The following ZSWIM5 variants were observed in gnomAD, a reference collection of about 807,000 sequenced individuals.
The protein encoded by ZSWIM5 is zinc finger SWIM-type containing 5.
A neutral mutation model predicts 119.6 loss-of-function variants in ZSWIM5; 55 were observed. The ratio of observed to expected loss-of-function variants is 0.46; its 90% CI spans 0.37 to 0.58. The LOEUF is 0.58. ZSWIM5 is among the 20% of genes least tolerant of loss of function. The pLI is 0.00. For synonymous variants in ZSWIM5, 537 were observed against 606.9 expected (o/e 0.88, Z 1.69); for missense variants, 1,193 against 1,512.8 (o/e 0.79, Z 3.51).
chr1:45,044,493 G>A (rs1645035993), intron 5 of ZSWIM5, among the ~76,000 whole-genome samples: 1 of 150,662 alleles, frequency 6.6e-6, no homozygotes, highest in Non-Finnish European at 1.5e-5. Flanking sequence ...GGAGGCTGAG[G>A]TGGGCGGATC....
intron 1 of ZSWIM5, among the ~76,000 whole-genome samples, chr1:45,172,086 A>G (rs545654885): frequency 2.1e-4 from 32 of 152,116 alleles, no homozygotes; most frequent in Non-Finnish European, 3.7e-4. Context: ...AAATCTAATA[A>G]TATTGTAAGA....
intron 2 of ZSWIM5, chr1:45,070,333 C>T (rs1283144470): frequency 1.4e-6 from 2 of 1,401,544 alleles, no homozygotes; most frequent in African/African-American, 1.4e-5. Flanking sequence ...AGAGCATACA[C>T]AGTCATGGCC....
At chr1:45,047,366 G>C (rs1645062333) in intron 5 of ZSWIM5, among the ~76,000 whole-genome samples, 1 of 152,156 alleles carries the variant, frequency 6.6e-6, no homozygotes, top group South Asian at 2.1e-4. Context: ...GCCTGACTTG[G>C]AGTGAATTCA....
intron 12 of ZSWIM5, 142 bp from the exon 13 acceptor site, chr1:45,020,289 T>G: frequency 1.4e-6 from 1 of 723,928 alleles, no homozygotes; most frequent in Admixed American, 2.4e-5. Context: ...TACAGTTAAT[T>G]TCTTTCCCAG....
intron 1 of ZSWIM5, among the ~76,000 whole-genome samples, chr1:45,205,450 A>G (rs957092738): frequency 6.6e-6 from 1 of 152,188 alleles, no homozygotes; most frequent in Non-Finnish European, 1.5e-5. Context: ...CATTTCTGAA[A>G]TTATTACATC....
intron 1 of ZSWIM5, among the ~76,000 whole-genome samples, chr1:45,135,566 CA>C (rs1377097437): frequency 1.3e-5 from 2 of 152,150 alleles, no homozygotes; most frequent in Non-Finnish European, 2.9e-5. Flanking sequence ...GTGTGATTTA[CA>C]GCCTCCAATT....
intron 5 of ZSWIM5, among the ~76,000 whole-genome samples, chr1:45,043,725 G>C (rs532186644): frequency 1.3e-5 from 2 of 152,318 alleles, no homozygotes; most frequent in African/African-American, 4.8e-5. Flanking sequence ...TGAAATAGAA[G>C]AGGAGTAGTG....
chr1:45,180,726 T>G (rs1206352579), intron 1 of ZSWIM5, among the ~76,000 whole-genome samples: 1 of 152,006 alleles, frequency 6.6e-6, no homozygotes, highest in Non-Finnish European at 1.5e-5. Flanking sequence ...GGTACTCCCC[T>G]GAGACAAAGC....
intron 1 of ZSWIM5, among the ~76,000 whole-genome samples, chr1:45,134,195 C>T (rs965540771): frequency 6.6e-6 from 1 of 152,108 alleles, no homozygotes; most frequent in Non-Finnish European, 1.5e-5. Context: ...TATAAATTAC[C>T]TTGGGCAGTA....
chr1:45,087,782 A>T, intron 2 of ZSWIM5, 99 bp downstream of exon 2: 1 of 827,204 alleles, frequency 1.2e-6, no homozygotes, highest in South Asian at 1.7e-5. Context: ...CCAACCTCTT[A>T]ACATGCAATA....
intron 1 of ZSWIM5, among the ~76,000 whole-genome samples, chr1:45,172,411 T>G (rs962175884): frequency 3.9e-5 from 6 of 152,174 alleles, no homozygotes; most frequent in Non-Finnish European, 8.8e-5. Flanking sequence ...TGCAGATATA[T>G]TCTTAGTGAA....
chr1:45,197,500 AGTAT>A (rs1646133598), intron 1 of ZSWIM5, among the ~76,000 whole-genome samples: 1 of 152,238 alleles, frequency 6.6e-6, no homozygotes, highest in Non-Finnish European at 1.5e-5. Context: ...ATTGCTGAAC[AGTAT>A]TCCATCTGTA....
chr1:45,070,220 C>G, intron 2 of ZSWIM5: 2 of 1,447,608 alleles, frequency 1.4e-6, no homozygotes, highest in Non-Finnish European at 1.9e-6. Context: ...AAGCTACTGG[C>G]CTCTGATGCC....
At chr1:45,094,724 G>C (rs964560354) in intron 1 of ZSWIM5, among the ~76,000 whole-genome samples, 10 of 152,054 alleles carry the variant, frequency 6.6e-5, no homozygotes, top group Admixed American at 3.9e-4. Context: ...TTAGCCAGGC[G>C]TGGTGGTGCA....
intron 1 of ZSWIM5, among the ~76,000 whole-genome samples, chr1:45,108,206 T>C (rs759118250): frequency 3.3e-5 from 5 of 152,228 alleles, no homozygotes; most frequent in Admixed American, 6.5e-5. Context: ...ACAAGGTACA[T>C]ATGTTGCCAA....
chr1:45,100,718 C>A (rs1645434852), intron 1 of ZSWIM5, among the ~76,000 whole-genome samples: 1 of 152,158 alleles, frequency 6.6e-6, no homozygotes, highest in African/African-American at 2.4e-5. Flanking sequence ...ACCAATGGAA[C>A]AGAACAGAGG....
At chr1:45,074,256 T>A (rs888329083) in intron 2 of ZSWIM5, among the ~76,000 whole-genome samples, 2 of 151,988 alleles carry the variant, frequency 1.3e-5, no homozygotes, top group Non-Finnish European at 2.9e-5. Context: ...GTAGAATGAG[T>A]TTGGAAGTAT....
In ZSWIM5 at chr1:45,027,440, T is replaced by C. The variant is rs187234304; in HGVS notation, c.2450-6652A>G. Among the ~76,000 whole-genome samples, 4 of 152,278 alleles carry C rather than the reference T, an allele frequency of 2.6e-5. No individual in the cohort carries two copies. In the East Asian group the frequency reaches 7.7e-4, roughly 29 times the overall value. ...TGAGGCAGAGTCTCGCTCTGTCGCCTAAGCTGGAGTGCAGTGGCACGATCT... is the reference window on the plus strand; with the variant it reads ...TGAGGCAGAGTCTCGCTCTGTCGCCCAAGCTGGAGTGCAGTGGCACGATCT... On this transcript the variant is annotated intron_variant, in intron 11 of 13. Transcript: ENST00000359600.
At chr1:45,069,105 C>T (rs148104946) in intron 2 of ZSWIM5, among the ~76,000 whole-genome samples, 12 of 152,122 alleles carry the variant, frequency 7.9e-5, no homozygotes, top group African/African-American at 2.9e-4. Context: ...AACCATCCCA[C>T]CCAGTCAGAA....
Sources: gnomAD v4.1 joint callset for allele counts (sites outside exome capture counted in the v4.1 genomes callset) on GRCh38, gnomAD v4.1.1 for gene constraint, MANE v1.5 for transcripts, NCBI Gene and HGNC (gene_info 2026-07-23, HGNC 2026-07-21) for gene names.